The following FAIM2 variants were observed in gnomAD, a reference collection of about 807,000 sequenced individuals.
FAIM2 encodes protein lifeguard 2.
In FAIM2, 27 loss-of-function variants were observed where a neutral mutation model predicts 47.4. That is an observed-to-expected ratio of 0.57 (90% CI 0.42 to 0.78). FAIM2 has a LOEUF of 0.78. FAIM2 is among the 30% of genes least tolerant of loss of function. The pLI is 0.00. For missense variants in FAIM2, 311 were observed against 389.4 expected (o/e 0.80, Z 1.69); for synonymous variants, 156 against 159.3 (o/e 0.98, Z 0.16).
At position 49,877,236 on chromosome 12, in the gene FAIM2, C is replaced by A. The variant is rs572212461; in HGVS notation, c.802-6583G>T. Among the ~76,000 whole-genome samples, 7 of 152,284 alleles carry A rather than the reference C, an allele frequency of 4.6e-5. No individual in the cohort carries two copies. The South Asian group carries it at 1.5e-3, about 32-fold the overall frequency. ...AGCAGGGTGTGGGTTGGGGGATGAA[C>A]TCCTCAGGAATGAGACAGGCAGGCC... On this transcript the variant is annotated intron_variant, in intron 11 of 11. Transcript: ENST00000320634.
At position 49,878,800 on chromosome 12, in the gene FAIM2, A is replaced by G. The variant is rs145530390; in HGVS notation, c.802-8147T>C. Among the ~76,000 whole-genome samples, 43 of 78,442 alleles carry G rather than the reference A, an allele frequency of 5.5e-4. 1 individual carries two copies. Among genetic ancestry groups the G allele is most frequent in the African/African-American group, 1.2e-3 (14 of 12,052 alleles). 51.5% of individuals were successfully genotyped at this position (78,442 alleles called of 152,430 possible). A position where few individuals can be genotyped will look rare whatever the true frequency, so the allele number is the denominator to read the frequency against. On this transcript the variant is annotated intron_variant, in intron 11 of 11. Transcript: ENST00000320634. ...TGAGTGTATGTGTGCCTGTGTGTAT[A>G]TGTGTGCATGTGAATGTGTGTATAT... is the stretch of plus-strand genomic sequence containing the variant.
chr12:49,897,200 A>G, intron 4 of FAIM2, 116 bp from the exon 5 acceptor site: 3 of 928,572 alleles, frequency 3.2e-6, no homozygotes, highest in Non-Finnish European at 5.3e-6. Flanking sequence ...AGCCAAAGGA[A>G]TGCAGCCCCT....
intron 3 of FAIM2, 30 bp downstream of exon 3, chr12:49,897,957 C>G (rs1244338931): frequency 6.4e-7 from 1 of 1,561,688 alleles, no homozygotes; most frequent in East Asian, 2.2e-5. Flanking sequence ...CTGAGGCTCC[C>G]AGTCCCAGAG....
At chr12:49,880,487 C>T (rs148113258) in intron 11 of FAIM2, among the ~76,000 whole-genome samples, 2 of 37,560 alleles carry the variant, frequency 5.3e-5, no homozygotes, top group South Asian at 9.2e-4. Context: ...CATGTGTATG[C>T]ATGTGTATGT....
chr12:49,880,753 TGC>T (rs1387603197), intron 11 of FAIM2, among the ~76,000 whole-genome samples: 258 of 152,030 alleles, frequency 1.7e-3, no homozygotes, highest in South Asian at 0.017. Flanking sequence ...CATGTGTGTG[TGC>T]GCATGTGGGT....
chr12:49,870,239 A>G lies in FAIM2; in HGVS notation c.*265T>C. On this transcript the variant is annotated 3_prime_UTR_variant, in exon 12 of 12. Transcript: ENST00000320634. ...TTGTCCCTTGGACCCTCAAACCCAG[A>G]GGAGCCTTCAGCCTTGACCGTCCCA... is the stretch of plus-strand genomic sequence containing the variant. 1 of 367,840 alleles carries G rather than the reference A, an allele frequency of 2.7e-6. No homozygotes were observed. Among genetic ancestry groups the G allele is most frequent in the South Asian group, 4.2e-5 (1 of 23,990 alleles). 22.8% of individuals were successfully genotyped at this position (367,840 alleles called of 1,614,324 possible).
chr12:49,870,593 C>A lies in FAIM2; in HGVS notation c.862G>T (p.Glu288Ter). ...GNRRHSLSPE[E>*]YIFGALNIYL... ...ATGTTGAGGGCTCCAAAAATATACT[C>A]CTCAGGGCTCAGCGAGTGGCGTCGG... Residue 288 changes from glutamate to a stop codon, truncating the protein, a stop_gained, in exon 12 of 12, where the codon GAG becomes TAG. Coordinates refer to ENST00000320634, the MANE Select transcript of FAIM2 (RefSeq NM_012306.4). LOFTEE classifies it high-confidence loss of function. 1.2e-6 allele frequency: 2 copies of A among 1,613,906 alleles called. No individual in the cohort carries two copies. Among genetic ancestry groups the A allele is most frequent in the Non-Finnish European group, 1.7e-6 (2 of 1,179,898 alleles).
chr12:49,876,105 T>G (rs1053696470), intron 11 of FAIM2, among the ~76,000 whole-genome samples: 1 of 152,200 alleles, frequency 6.6e-6, no homozygotes, highest in African/African-American at 2.4e-5. Context: ...ATACAGTGCT[T>G]AAGAACATAG....
chr12:49,903,802 T>C lies in FAIM2; in HGVS notation c.-10A>G, dbSNP rs942023545. On this transcript the variant is annotated 5_prime_UTR_variant, in exon 1 of 12. Transcript: ENST00000320634. ...CCTTTCCCTGGGTCATGGTGCCGTC[T>C]CTCGGGGAAGGGGTCCCTGAGGCCC... is the stretch of plus-strand genomic sequence containing the variant. The C allele has an allele frequency of 6.5e-7, 1 of 1,542,298 alleles. No individual in the cohort carries two copies. Among genetic ancestry groups the C allele is most frequent in the Non-Finnish European group, 8.7e-7 (1 of 1,142,902 alleles).
intron 11 of FAIM2, among the ~76,000 whole-genome samples, chr12:49,881,458 C>G (rs572087537): frequency 7.6e-4 from 115 of 152,280 alleles, no homozygotes; most frequent in African/African-American, 2.7e-3. Context: ...GCTCAGAGAC[C>G]TTAGCTTCCC....
At chr12:49,895,435 C>T (rs1565619365) in intron 5 of FAIM2, among the ~76,000 whole-genome samples, 1 of 152,184 alleles carries the variant, frequency 6.6e-6, no homozygotes. Context: ...ACAGACCCTC[C>T]TCCAGAAGGC....
intron 11 of FAIM2, among the ~76,000 whole-genome samples, chr12:49,878,066 ATG>A (rs1408495968): frequency 5.0e-5 from 4 of 79,308 alleles, no homozygotes; most frequent in East Asian, 4.6e-4. Flanking sequence ...ATGTGCGTGT[ATG>A]TGTGTTTATG....
chr12:49,878,370 G>A (rs1466953887), intron 11 of FAIM2, among the ~76,000 whole-genome samples: 2 of 122,994 alleles, frequency 1.6e-5, no homozygotes, highest in Non-Finnish European at 3.2e-5. Flanking sequence ...GTATATGTGG[G>A]CATGTGCATG....
chr12:49,901,295 C>T lies in FAIM2; in HGVS notation c.46G>A (p.Glu16Lys), dbSNP rs542160661. 69 of 1,602,100 alleles carry T rather than the reference C, an allele frequency of 4.3e-5. No individual in the cohort carries two copies. The highest frequency in any genetic ancestry group is 4.7e-5 in the Non-Finnish European group (55 of 1,175,392). ...LSVANKAPGT[E>K]GQQQVHGEKK... is the part of the protein sequence containing the mutation. ...TCGCCATGCACCTGCTGCTGCCCCT[C>T]GGTCCCAGGGGCCTTGTTAGCCACG... Residue 16 changes from glutamate (E) to lysine (K), a missense_variant, in exon 2 of 12, where the codon GAG becomes AAG. Glu to Lys is a moderately conservative substitution (Grantham distance 56). Coordinates refer to ENST00000320634, the MANE Select transcript of FAIM2 (RefSeq NM_012306.4).
In FAIM2 at chr12:49,891,087, G is replaced by C; in HGVS notation, c.462C>G (p.Thr154=). The stretch of plus-strand genomic sequence containing the variant: ...ACCTGGGTCCAGAACAGCAAGCCAG[G>C]GTCAGGTAGGTTGCAAAGAACACAG... ...SYAVFFATYL[T]LACCSGPRRH... is the part of the protein sequence containing the mutation. Residue 154 remains threonine (T), a synonymous_variant, in exon 6 of 12, where the codon ACC becomes ACG. Coordinates refer to ENST00000320634, the MANE Select transcript of FAIM2 (RefSeq NM_012306.4). 1.2e-6 allele frequency: 2 copies of C among 1,614,114 alleles called. No individual in the cohort carries two copies. The highest frequency in any genetic ancestry group is 1.7e-6 in the Non-Finnish European group (2 of 1,180,000).
chr12:49,878,583 TAC>T (rs1565613340), intron 11 of FAIM2, among the ~76,000 whole-genome samples: 4 of 115,116 alleles, frequency 3.5e-5, no homozygotes, highest in African/African-American at 1.2e-4. Context: ...TGTGTATATG[TAC>T]ATGTGTATGT....
chr12:49,875,570 G>C (rs1400345158), intron 11 of FAIM2, among the ~76,000 whole-genome samples: 1 of 152,166 alleles, frequency 6.6e-6, no homozygotes, highest in Non-Finnish European at 1.5e-5. Flanking sequence ...ACCCCCAGGA[G>C]GGCCACCAAA....
chr12:49,891,151 T>C (rs1946897295), intron 5 of FAIM2, 37 bp from the exon 6 acceptor site: 2 of 1,597,940 alleles, frequency 1.3e-6, no homozygotes, highest in East Asian at 2.2e-5. Context: ...TCAGCCAGCC[T>C]CTCCTGGGTC....
chr12:49,881,863 A>G (rs1313531641), intron 11 of FAIM2, among the ~76,000 whole-genome samples: 1 of 152,222 alleles, frequency 6.6e-6, no homozygotes, highest in Non-Finnish European at 1.5e-5. Context: ...TCAAAGCTGG[A>G]CCAGAGCCCT....
Sources: gnomAD v4.1 joint callset for allele counts (sites outside exome capture counted in the v4.1 genomes callset) on GRCh38, gnomAD v4.1.1 for gene constraint, MANE v1.5 for transcripts, NCBI Gene and HGNC (gene_info 2026-07-23, HGNC 2026-07-21) for gene names.